The following ABCA13 variants were observed in gnomAD, a reference collection of about 807,000 sequenced individuals.
The protein encoded by ABCA13 is ATP binding cassette subfamily A member 13.
Under a neutral mutation model 478.7 loss-of-function variants are expected in ABCA13, and 476 were observed. The observed-to-expected ratio is 0.99, with a 90% CI of 0.92 to 1.07. The LOEUF is 1.07. Among genes scored for constraint, ABCA13 ranks in the 50% least tolerant of loss-of-function variants. The pLI is 0.00. For missense variants in ABCA13, 6,060 were observed against 5,910.6 expected (o/e 1.03, Z -0.83); for synonymous variants, 2,252 against 2,158.9 (o/e 1.04, Z -1.20).
Position 48,278,677 on chromosome 7 carries a change from C to A in ABCA13, c.7483C>A (p.Leu2495Ile), listed in dbSNP as rs1423990837. The change falls in exon 18 of 62, where the codon CTC becomes ATC. Residue 2495 changes from leucine to isoleucine, a missense_variant. Leu to Ile is a conservative substitution (Grantham distance 5). Transcript: ENST00000435803. ...TGAAGAAAGTCACGTCCTGAAACCC[C>A]TCTTAGAAATGTCTGGGACTCTGGT... is the stretch of plus-strand genomic sequence containing the variant. ...ASEESHVLKPLLEMSGTLVML... is the reference protein window; with the variant it reads ...ASEESHVLKPILEMSGTLVML... 2 of 1,613,574 alleles carry A rather than the reference C, an allele frequency of 1.2e-6. No homozygotes were observed. Among genetic ancestry groups the A allele is most frequent in the Non-Finnish European group, 1.7e-6 (2 of 1,179,628 alleles).
intron 55 of ABCA13, among the ~76,000 whole-genome samples, chr7:48,571,972 G>A (rs1787697406): frequency 6.6e-6 from 1 of 152,160 alleles, no homozygotes; most frequent in Admixed American, 6.5e-5. Context: ...AAGGTTAGGA[G>A]TTCAACAGCA....
intron 29 of ABCA13, among the ~76,000 whole-genome samples, chr7:48,342,532 G>A (rs1187903021): frequency 6.6e-6 from 1 of 152,050 alleles, no homozygotes; most frequent in African/African-American, 2.4e-5. Flanking sequence ...CTTTCCGGAA[G>A]TTTTTCTGTG....
At chr7:48,341,272 T>A (rs1221981412) in intron 29 of ABCA13, among the ~76,000 whole-genome samples, 1 of 152,178 alleles carries the variant, frequency 6.6e-6, no homozygotes, top group Non-Finnish European at 1.5e-5. Flanking sequence ...TGAGTCATTT[T>A]GTCTGTGCAG....
At chr7:48,259,300 T>C (rs115883970) in intron 15 of ABCA13, among the ~76,000 whole-genome samples, 149 of 152,324 alleles carry the variant, frequency 9.8e-4, no homozygotes, top group African/African-American at 3.5e-3. Flanking sequence ...TGGATGCATA[T>C]ATATGTAGGA....
chr7:48,314,389 T>C lies in ABCA13; in HGVS notation c.9839T>C (p.Phe3280Ser), dbSNP rs759035063. 1.9e-6 allele frequency: 3 copies of C among 1,595,906 alleles called. No homozygotes were observed. The highest frequency in any genetic ancestry group is 2.2e-5 in the East Asian group (1 of 44,610). The change falls in exon 26 of 62, where the codon TTC (phenylalanine) becomes TCC (serine). Residue 3280 changes from phenylalanine to serine, a missense_variant. Phe to Ser is a radical substitution (Grantham distance 155). Coordinates refer to ENST00000435803, the MANE Select transcript of ABCA13 (RefSeq NM_152701.5). ...CTCTTGGAAGATGACAAAGAAAAATTCAACATTCCTGAAGATTCAAGTAAG... is the reference window on the plus strand; with the variant it reads ...CTCTTGGAAGATGACAAAGAAAAATCCAACATTCCTGAAGATTCAAGTAAG... ...KELLEDDKEK[F>S]NIPEDSTPFC...
intron 55 of ABCA13, among the ~76,000 whole-genome samples, chr7:48,540,277 G>A (rs1833867371): frequency 6.6e-6 from 1 of 151,926 alleles, no homozygotes; most frequent in Non-Finnish European, 1.5e-5. Flanking sequence ...CTTCATCCCT[G>A]GAAGACTGAC....
At chr7:48,295,462 C>T (rs939105568) in intron 20 of ABCA13, among the ~76,000 whole-genome samples, 1 of 152,158 alleles carries the variant, frequency 6.6e-6, no homozygotes, top group African/African-American at 2.4e-5. Flanking sequence ...TGGAGAATTG[C>T]GTGTTCTCTG....
At chr7:48,202,165 G>A (rs1424640119) in intron 3 of ABCA13, among the ~76,000 whole-genome samples, 1 of 151,922 alleles carries the variant, frequency 6.6e-6, no homozygotes, top group African/African-American at 2.4e-5. Context: ...CACAGTGGAA[G>A]GGGACCCTAG....
intron 27 of ABCA13, among the ~76,000 whole-genome samples, chr7:48,334,501 A>T (rs918472526): frequency 6.6e-6 from 1 of 152,062 alleles, no homozygotes; most frequent in South Asian, 2.1e-4. Context: ...TGCCCGGCTA[A>T]TTTTTTGTAT....
intron 7 of ABCA13, among the ~76,000 whole-genome samples, chr7:48,232,146 T>TTTTTTTTTTTTTTTTTTTTTTTTTTTTTG (rs1391894764): frequency 9.4e-6 from 1 of 106,462 alleles, no homozygotes; most frequent in African/African-American, 3.2e-5. Context: ...GGAATTTTTT[T>TTTTTTTTTTTTTTTTTTTTTTTTTTTTTG]TTTTTTTTTT....
In ABCA13 at chr7:48,276,512, CA is replaced by C. The variant is rs1417612649; in HGVS notation, c.6850del (p.Ile2284TyrfsTer5). On this transcript the variant is annotated frameshift_variant, in exon 17 of 62. Transcript: ENST00000435803. LOFTEE classifies it high-confidence loss of function. The stretch of plus-strand genomic sequence containing the variant: ...TTTTTCTAAAGGAAGATTCTGAGAA[CA>C]AAATATCTCTTCTGCTGAAATATTT... ...SLFLKEDSEN[K>X]ISLLLKYFHK... 5 of 1,610,754 alleles carry C rather than the reference CA, an allele frequency of 3.1e-6. No homozygotes were observed. In the East Asian group the frequency reaches 1.1e-4, roughly 36 times the overall value.
At chr7:48,376,378 A>T in intron 34 of ABCA13, 63 bp from the exon 35 acceptor site, 1 of 1,568,394 alleles carries the variant, frequency 6.4e-7, no homozygotes, top group Non-Finnish European at 8.6e-7. Context: ...TGAACTCATC[A>T]TGACAAAATC....
chr7:48,361,280 T>A (rs1404344695), intron 31 of ABCA13, among the ~76,000 whole-genome samples: 1 of 151,762 alleles, frequency 6.6e-6, no homozygotes, highest in East Asian at 1.9e-4. Flanking sequence ...CACTTCCAAT[T>A]ATTAAGATCC....
At chr7:48,259,916 C>A (rs1215833223) in intron 15 of ABCA13, among the ~76,000 whole-genome samples, 2 of 151,966 alleles carry the variant, frequency 1.3e-5, no homozygotes, top group Non-Finnish European at 2.9e-5. Flanking sequence ...TGAATACTTG[C>A]AATTGTATTA....
In ABCA13 at chr7:48,176,881, G is replaced by A. The variant is rs542577123; in HGVS notation, c.69+5329G>A. On this transcript the variant is annotated intron_variant, in intron 1 of 61. Transcript: ENST00000435803. The stretch of plus-strand genomic sequence containing the variant: ...AAGATGTAAAGAAACATGTTCTCAA[G>A]TTTCAACTACTTCAAACCTCAGAGC... Among the ~76,000 whole-genome samples the A allele has an allele frequency of 1.7e-3, 252 of 152,268 alleles. 4 individuals are homozygous for A. Among genetic ancestry groups the A allele is most frequent in the Middle Eastern group, 0.014 (4 of 294 alleles).
intron 45 of ABCA13, among the ~76,000 whole-genome samples, chr7:48,477,820 A>C (rs1373777683): frequency 6.6e-6 from 1 of 151,918 alleles, no homozygotes; most frequent in Non-Finnish European, 1.5e-5. Context: ...CAGTACACCA[A>C]CATGGCACAT....
intron 35 of ABCA13, among the ~76,000 whole-genome samples, chr7:48,384,631 C>T (rs1215832003): frequency 6.6e-6 from 1 of 152,214 alleles, no homozygotes; most frequent in Admixed American, 6.5e-5. Flanking sequence ...CCAGCTGCTA[C>T]TCATCCTCTT....
rs1343450847 is a variant in ABCA13, at chr7:48,273,194, T to C, written c.3528T>C (p.His1176=). Residue 1176 remains histidine, a synonymous_variant, in exon 17 of 62, where the codon CAT becomes CAC. Transcript: ENST00000435803. ...KFDMNVFTSL[H]HGFTQLLDEL... The stretch of plus-strand genomic sequence containing the variant: ...ACATGAATGTTTTCACATCTCTTCA[T>C]CATGGTTTCACTCAGCTTTTGGATG... 1.2e-6 allele frequency: 2 copies of C among 1,613,606 alleles called. No individual in the cohort carries two copies. The highest frequency in any genetic ancestry group is 2.7e-5 in the African/African-American group (2 of 74,914).
At chr7:48,352,634 T>C (rs1457925701) in intron 31 of ABCA13, 147 bp downstream of exon 31, 6 of 828,826 alleles carry the variant, frequency 7.2e-6, no homozygotes, top group Non-Finnish European at 9.0e-6. Flanking sequence ...GTAAGGTTCA[T>C]TTTTTTTATA....
Sources: gnomAD v4.1 joint callset for allele counts (sites outside exome capture counted in the v4.1 genomes callset) on GRCh38, gnomAD v4.1.1 for gene constraint, MANE v1.5 for transcripts, NCBI Gene and HGNC (gene_info 2026-07-23, HGNC 2026-07-21) for gene names.